Variants in PKHD1 observed in about 807,000 individuals in gnomAD.
PKHD1 encodes fibrocystin.
Under a neutral mutation model 412.0 loss-of-function variants are expected in PKHD1, and 291 were observed. The observed-to-expected ratio is 0.71, with a 90% CI of 0.64 to 0.78. The LOEUF (loss-of-function observed/expected upper bound fraction) is 0.78, where lower values mean the gene tolerates loss of function less well. PKHD1 is among the 30% of genes least tolerant of loss of function. The pLI is 0.00. For missense variants in PKHD1, 4,825 were observed against 4,950.7 expected, an observed-to-expected ratio of 0.97 and a Z score of 0.76; for synonymous variants, 1,777 against 1,821.5, an observed-to-expected ratio of 0.98 and a Z score of 0.62.
chr6:51,805,480 T>C (rs926485844), intron 52 of PKHD1, among the ~76,000 whole-genome samples: 4 of 152,316 alleles, frequency 2.6e-5, no homozygotes, highest in Admixed American at 1.3e-4. Context: ...CTCAGCGTTA[T>C]GTAATACTTA....
rs138014727 is a variant in PKHD1 at position 51,861,999 on chromosome 6, G to C, written c.7733+5864C>G. Among the ~76,000 whole-genome samples the C allele has an allele frequency of 2.1e-3, 314 of 152,284 alleles. 2 individuals carry two copies. Among genetic ancestry groups the C allele is most frequent in the African/African-American group, 7.2e-3 (300 of 41,564 alleles). On this transcript the variant is annotated intron_variant, in intron 48 of 66. Coordinates refer to ENST00000371117, the MANE Select transcript of PKHD1 (RefSeq NM_138694.4). ...TGTTATTGAAGCTATGCAACCAGAA[G>C]GTAGACAGGTGGACAACTGCTTGTC...
intron 60 of PKHD1, among the ~76,000 whole-genome samples, chr6:51,672,525 T>G (rs1775173801): frequency 6.6e-6 from 1 of 152,228 alleles, no homozygotes; most frequent in African/African-American, 2.4e-5. Context: ...CTAATCTTTA[T>G]CATCTTCACA....
At chr6:51,656,342 CG>C (rs1771848463) in intron 61 of PKHD1, among the ~76,000 whole-genome samples, 1 of 151,990 alleles carries the variant, frequency 6.6e-6, no homozygotes, top group South Asian at 2.1e-4. Flanking sequence ...GGCCTGTTGA[CG>C]GGTGGGGAGC....
chr6:52,029,556 T>C (rs1331274272), intron 29 of PKHD1, among the ~76,000 whole-genome samples: 1 of 152,216 alleles, frequency 6.6e-6, no homozygotes, highest in Non-Finnish European at 1.5e-5. Context: ...AAAGATGGAA[T>C]GGGCAAGATG....
chr6:51,965,381 G>A (rs1170597383), intron 35 of PKHD1, among the ~76,000 whole-genome samples: 2 of 152,090 alleles, frequency 1.3e-5, no homozygotes, highest in African/African-American at 4.8e-5. Flanking sequence ...GATGACACAG[G>A]CTGAGATTAT....
intron 43 of PKHD1, among the ~76,000 whole-genome samples, chr6:51,903,379 A>G (rs1781566366): frequency 6.6e-6 from 1 of 152,150 alleles, no homozygotes; most frequent in African/African-American, 2.4e-5. Context: ...ACACAAATTC[A>G]TCAACTTTCT....
intron 39 of PKHD1, among the ~76,000 whole-genome samples, chr6:51,910,728 T>G (rs1386708852): frequency 6.6e-6 from 1 of 152,036 alleles, no homozygotes; most frequent in African/African-American, 2.4e-5. Flanking sequence ...AGATCCCAAT[T>G]CTGCAGAATT....
rs773795912 is a variant in PKHD1, at chr6:51,659,222, C to T, written c.10904G>A (p.Gly3635Asp). 2 of 1,613,846 alleles carry T rather than the reference C, an allele frequency of 1.2e-6. No homozygotes were observed. The highest frequency in any genetic ancestry group is 8.5e-7 in the Non-Finnish European group (1 of 1,179,884). The change falls in exon 61 of 67, where the codon GGT becomes GAT. Residue 3635 changes from glycine (G) to aspartate (D), a missense_variant. Physicochemically the swap from Gly to Asp is moderately conservative, Grantham distance 94. Coordinates refer to ENST00000371117, the MANE Select transcript of PKHD1 (RefSeq NM_138694.4). Reference sequence around the variant, plus strand: ...TTCCATCATGAGAGGCCTACGTTGACCAACTCTTCTATAATGACTAGTGCA... The same window carrying T: ...TTCCATCATGAGAGGCCTACGTTGATCAACTCTTCTATAATGACTAGTGCA... ...VTCTSHYRRVGQRRPLMMEMN... is the reference protein window; with the variant it reads ...VTCTSHYRRVDQRRPLMMEMN...
chr6:52,014,102 C>T (rs894316569), intron 34 of PKHD1, among the ~76,000 whole-genome samples: 3 of 152,212 alleles, frequency 2.0e-5, no homozygotes, highest in East Asian at 1.9e-4. Flanking sequence ...GCCTTCAATG[C>T]CTTACATATC....
intron 37 of PKHD1, among the ~76,000 whole-genome samples, chr6:51,928,796 G>A (rs999324395): frequency 7.2e-5 from 11 of 152,142 alleles, no homozygotes. Flanking sequence ...GACAGCCAGG[G>A]TAAGGGACTG....
intron 49 of PKHD1, among the ~76,000 whole-genome samples, chr6:51,848,709 G>A (rs754420885): frequency 2.0e-5 from 3 of 152,142 alleles, no homozygotes; most frequent in Non-Finnish European, 2.9e-5. Flanking sequence ...GATCAAAAGT[G>A]ATTCTGTTCT....
intron 60 of PKHD1, among the ~76,000 whole-genome samples, chr6:51,693,195 C>T (rs1778382473): frequency 6.6e-6 from 1 of 152,192 alleles, no homozygotes; most frequent in African/African-American, 2.4e-5. Flanking sequence ...CCAAAATCAT[C>T]ATCTGTCCTG....
rs908880474 is a variant in PKHD1 at position 52,017,568 on chromosome 6, G to GT, written c.5441dup (p.His1814GlnfsTer7). 1 of 1,614,088 alleles carries GT rather than the reference G, an allele frequency of 6.2e-7. No homozygotes were observed. The highest frequency in any genetic ancestry group is 1.3e-5 in the African/African-American group (1 of 75,046). Reference sequence around the variant, plus strand: ...CTGTCAAATCACACTGCACATAGGTGTGTCTGGCAGCCTCACAGCTGTCCT... The same window carrying GT: ...CTGTCAAATCACACTGCACATAGGTGTTGTCTGGCAGCCTCACAGCTGTCCT... On this transcript the variant is annotated frameshift_variant, in exon 34 of 67. Transcript: ENST00000371117. LOFTEE classifies it high-confidence loss of function.
chr6:52,000,325 G>T (rs1798217764), intron 35 of PKHD1, among the ~76,000 whole-genome samples: 2 of 152,050 alleles, frequency 1.3e-5, no homozygotes, highest in Non-Finnish European at 2.9e-5. Context: ...CCCATGTGAG[G>T]CCATTGTACC....
chr6:51,794,667 T>C (rs1334371690), intron 52 of PKHD1, among the ~76,000 whole-genome samples: 1 of 152,218 alleles, frequency 6.6e-6, no homozygotes, highest in Non-Finnish European at 1.5e-5. Context: ...TACATTTAAG[T>C]CTTTATTCCA....
chr6:51,982,443 C>T (rs917928559), intron 35 of PKHD1, among the ~76,000 whole-genome samples: 4 of 136,776 alleles, frequency 2.9e-5, no homozygotes, highest in East Asian at 4.3e-4. Flanking sequence ...ACATGGGAGA[C>T]TTTTCATTTT....
At chr6:51,870,761 T>C (rs1282543079) in intron 46 of PKHD1, 122 bp from the exon 47 acceptor site, 1 of 751,064 alleles carries the variant, frequency 1.3e-6, no homozygotes, top group East Asian at 2.6e-5. Context: ...GAGAAAATAT[T>C]TGCCAATCAC....
intron 38 of PKHD1, 130 bp from the exon 39 acceptor site, chr6:51,912,086 A>T (rs1783046816): frequency 1.3e-6 from 1 of 752,652 alleles, no homozygotes; most frequent in Non-Finnish European, 2.2e-6. Context: ...TCAATACCAA[A>T]TAGTGAACTA....
At position 51,619,037 on chromosome 6, in the gene PKHD1, G is replaced by A. The variant is rs917037048; in HGVS notation, c.*44C>T. 20 of 1,553,514 alleles carry A rather than the reference G, an allele frequency of 1.3e-5. No individual in the cohort carries two copies. The highest frequency in any genetic ancestry group is 1.8e-5 in the Non-Finnish European group (20 of 1,125,786). Reference sequence around the variant, plus strand: ...CCCCAGCTTATTATCCAGAAATACTGGGAACATTCTGCCTTTCAGGCCAAA... The same window carrying A: ...CCCCAGCTTATTATCCAGAAATACTAGGAACATTCTGCCTTTCAGGCCAAA... On this transcript the variant is annotated 3_prime_UTR_variant, in exon 67 of 67. Coordinates refer to ENST00000371117, the MANE Select transcript of PKHD1 (RefSeq NM_138694.4).
Sources: gnomAD v4.1 joint callset for allele counts (sites outside exome capture counted in the v4.1 genomes callset) on GRCh38, gnomAD v4.1.1 for gene constraint, MANE v1.5 for transcripts, NCBI Gene and HGNC (gene_info 2026-07-23, HGNC 2026-07-21) for gene names.